AP2A1: variants seen among roughly 807,000 people sequenced by gnomAD.
AP2A1 encodes the protein AP-2 complex subunit alpha-1.
In AP2A1, 21 loss-of-function variants were observed where a neutral mutation model predicts 107.3. The ratio of observed to expected loss-of-function variants is 0.20; its 90% CI spans 0.14 to 0.28. AP2A1 has a LOEUF of 0.28. Among genes scored for constraint, AP2A1 ranks in the 10% least tolerant of loss-of-function variants. The pLI is 1.00. For synonymous variants in AP2A1, 602 were observed against 564.8 expected, an observed-to-expected ratio of 1.07 and a Z score of -0.93; for missense variants, 873 against 1,307.7, an observed-to-expected ratio of 0.67 and a Z score of 5.13.
rs1254317959 is a variant in AP2A1, at chr19:49,767,219, G to A, written c.67+19G>A. ...CGGAACTGTGAGCGCGCGGCCGGGG[G>A]ACACTGGAGACGCGGGGGAGGGGGG... On this transcript the variant is annotated intron_variant, in intron 1 of 22. Coordinates refer to ENST00000354293, the MANE Select transcript of AP2A1 (RefSeq NM_130787.3). 6 of 1,610,620 alleles carry A rather than the reference G, an allele frequency of 3.7e-6. No homozygotes were observed. The highest frequency in any genetic ancestry group is 1.7e-5 in the Admixed American group (1 of 60,002).
At chr19:49,767,253 A>AT in intron 1 of AP2A1, 53 bp downstream of exon 1, 6 of 1,587,016 alleles carry the variant, frequency 3.8e-6, no homozygotes, top group Non-Finnish European at 5.2e-6. Flanking sequence ...GGAGCGTGAA[A>AT]TTGAGGGGTT....
At chr19:49,777,347 G>A (rs989454736) in intron 1 of AP2A1, among the ~76,000 whole-genome samples, 11 of 151,358 alleles carry the variant, frequency 7.3e-5, no homozygotes, top group Non-Finnish European at 1.2e-4. Context: ...TTTAAAAAGA[G>A]ATTTCCAGCC....
At chr19:49,767,808 G>A (rs1030552320) in intron 1 of AP2A1, among the ~76,000 whole-genome samples, 1 of 152,016 alleles carries the variant, frequency 6.6e-6, no homozygotes, top group Non-Finnish European at 1.5e-5. Flanking sequence ...GAGACTATAA[G>A]GACACCCTGG....
chr19:49,799,067 A>G, intron 8 of AP2A1, 115 bp downstream of exon 8: 1 of 1,404,260 alleles, frequency 7.1e-7, no homozygotes, highest in Non-Finnish European at 9.6e-7. Context: ...TAGGTAGGGT[A>G]GGAGGAGGAT....
chr19:49,804,612 A>G (rs2073337514), intron 18 of AP2A1: 1 of 152,088 alleles, frequency 6.6e-6, no homozygotes, highest in Non-Finnish European at 1.5e-5. Flanking sequence ...GGAGGCAGTG[A>G]CAAAAGAACA....
chr19:49,799,844 G>T, intron 10 of AP2A1, 78 bp downstream of exon 10: 1 of 1,565,286 alleles, frequency 6.4e-7, no homozygotes. Context: ...CTAAGTCTAA[G>T]GGAGGAGGGG....
intron 4 of AP2A1, among the ~76,000 whole-genome samples, chr19:49,787,354 G>GTTT (rs1175245045): frequency 3.2e-5 from 3 of 94,510 alleles, no homozygotes; most frequent in African/African-American, 4.3e-5. Flanking sequence ...TTTGTTTTTT[G>GTTT]TTTTTTTTTT....
chr19:49,801,914 C>T lies in AP2A1; in HGVS notation c.1953+25C>T, dbSNP rs2073286247. The T allele has an allele frequency of 3.4e-6, 5 of 1,461,892 alleles. No homozygotes were observed. The East Asian group carries it at 9.8e-5, about 29-fold the overall frequency. 90.6% of individuals were successfully genotyped at this position (1,461,892 alleles called of 1,614,324 possible). On this transcript the variant is annotated intron_variant, in intron 14 of 22. Coordinates refer to ENST00000354293, the MANE Select transcript of AP2A1 (RefSeq NM_130787.3). ...GGTGAGTCCCCTGGGGTGGGCCCTGCCAGGGTGCCTGGGGCTGGGTCCTGC... is the reference window on the plus strand; with the variant it reads ...GGTGAGTCCCCTGGGGTGGGCCCTGTCAGGGTGCCTGGGGCTGGGTCCTGC...
At position 49,781,308 on chromosome 19, in the gene AP2A1, A is replaced by C. The variant is rs1181055108; in HGVS notation, c.68-449A>C. Among the ~76,000 whole-genome samples the C allele has an allele frequency of 4.6e-5, 7 of 152,236 alleles. No individual in the cohort carries two copies. In the East Asian group the frequency reaches 1.3e-3, roughly 29 times the overall value. On this transcript the variant is annotated intron_variant, in intron 1 of 22. Coordinates refer to ENST00000354293, the MANE Select transcript of AP2A1 (RefSeq NM_130787.3). ...AGGGTCTGACCTGGTGACTGGGTGG[A>C]CAGTGGGACCTTCATGGGATTGAGA...
intron 6 of AP2A1, among the ~76,000 whole-genome samples, chr19:49,795,303 A>G (rs928786788): frequency 6.6e-6 from 1 of 152,182 alleles, no homozygotes; most frequent in African/African-American, 2.4e-5. Flanking sequence ...TTTTGCCCCC[A>G]TTCAGTGTGC....
rs775841144 is a variant in AP2A1 at position 49,785,664 on chromosome 19, C to T, written c.473+2940C>T. ...AGGCACAGCAGCTCACACCCGTAAT[C>T]CCAGCACCTTGGGAGGCCAAGGTGG... is the stretch of plus-strand genomic sequence containing the variant. On this transcript the variant is annotated intron_variant, in intron 4 of 22. Coordinates refer to ENST00000354293, the MANE Select transcript of AP2A1 (RefSeq NM_130787.3). This position sits in a 1 kb window ranked among gnomAD's most constrained non-coding sequence, Gnocchi z 4.1. Among the ~76,000 whole-genome samples, 25 of 152,072 alleles carry T rather than the reference C, an allele frequency of 1.6e-4. No homozygotes were observed. The highest frequency in any genetic ancestry group is 6.6e-5 in the Admixed American group (1 of 15,254).
intron 12 of AP2A1, 73 bp downstream of exon 12, chr19:49,801,131 G>A: frequency 2.1e-6 from 3 of 1,417,414 alleles, no homozygotes; most frequent in Non-Finnish European, 1.9e-6. Flanking sequence ...GATCCCCAGG[G>A]GTCTCAGGGC....
At chr19:49,800,734 G>C in intron 11 of AP2A1, 1 of 457,984 alleles carries the variant, frequency 2.2e-6, no homozygotes, top group Non-Finnish European at 3.9e-6. Flanking sequence ...GCCTCCCAAA[G>C]TACCAGGATT....
chr19:49,804,224 A>G (rs1291086968), intron 18 of AP2A1: 1 of 151,374 alleles, frequency 6.6e-6, no homozygotes, highest in Non-Finnish European at 1.5e-5. Flanking sequence ...CGACAGTCTC[A>G]AAAAAAAGAA....
Position 49,798,912 on chromosome 19 carries a change from A to C in AP2A1, c.925A>C (p.Ile309Leu). The C allele has an allele frequency of 6.4e-7, 1 of 1,557,884 alleles. No homozygotes were observed. The highest frequency in any genetic ancestry group is 2.4e-5 in the East Asian group (1 of 41,312). Reference sequence around the variant, plus strand: ...GCAGCATTCCAACGCCAAGAACGCCATCCTCTTCGAGACCATCAGCCTCAT... The same window carrying C: ...GCAGCATTCCAACGCCAAGAACGCCCTCCTCTTCGAGACCATCAGCCTCAT... ...KVQHSNAKNA[I>L]LFETISLIIH... Residue 309 changes from isoleucine to leucine, a missense_variant, in exon 8 of 23, where the codon ATC becomes CTC. Physicochemically the swap from Ile to Leu is conservative, Grantham distance 5. Coordinates refer to ENST00000354293, the MANE Select transcript of AP2A1 (RefSeq NM_130787.3).
intron 1 of AP2A1, among the ~76,000 whole-genome samples, chr19:49,775,803 T>TGAA (rs924367310): frequency 6.2e-4 from 94 of 152,360 alleles, no homozygotes; most frequent in African/African-American, 2.2e-3. Context: ...TAGAAGGCTC[T>TGAA]GAAGGCCTTT....
intron 11 of AP2A1, 159 bp from the exon 12 acceptor site, chr19:49,800,802 G>T: frequency 1.7e-6 from 1 of 576,862 alleles, no homozygotes; most frequent in South Asian, 2.2e-5. Context: ...GTGTGAGCTT[G>T]GGCCCGTCAC....
chr19:49,795,273 C>CT (rs2073197994), intron 6 of AP2A1, among the ~76,000 whole-genome samples: 1 of 152,234 alleles, frequency 6.6e-6, no homozygotes, highest in Non-Finnish European at 1.5e-5. Context: ...GAAAGATCAA[C>CT]CAGCCGGGCT....
In AP2A1 at chr19:49,805,555, C is replaced by G; in HGVS notation, c.2447C>G (p.Pro816Arg). The stretch of plus-strand genomic sequence containing the variant: ...TGCCTGCGGGACTTCCTGACGCCCC[C>G]GCTGCTGTCCGTGCGCTTCCGGTGA... The part of the protein sequence containing the change: ...IECLRDFLTP[P>R]LLSVRFRYGG... Residue 816 changes from proline to arginine, a missense_variant, in exon 19 of 23, where the codon CCG becomes CGG. Pro to Arg is a moderately radical substitution (Grantham distance 103, BLOSUM62 -2). Coordinates refer to ENST00000354293, the MANE Select transcript of AP2A1 (RefSeq NM_130787.3). The G allele has an allele frequency of 6.3e-7, 1 of 1,577,110 alleles. No individual in the cohort carries two copies. The highest frequency in any genetic ancestry group is 8.6e-7 in the Non-Finnish European group (1 of 1,161,830).
Sources: allele counts gnomAD v4.1 joint callset (sites outside exome capture counted in the v4.1 genomes callset), GRCh38; gene constraint gnomAD v4.1.1; non-coding constraint Gnocchi (gnomAD v3.1); transcripts MANE v1.5; gene names NCBI Gene and HGNC (gene_info 2026-07-23, HGNC 2026-07-21).